ANKRD36C: variants seen among roughly 807,000 people sequenced by gnomAD.
ANKRD36C encodes the protein ankyrin repeat domain 36C, also known as ankyrin repeat domain-containing protein 36C.
ANKRD36C carries 61 observed loss-of-function variants against 276.4 expected under a neutral mutation model. The observed-to-expected ratio is 0.22, with a 90% CI of 0.18 to 0.27. The LOEUF (loss-of-function observed/expected upper bound fraction) is 0.27. Ranked by LOEUF, ANKRD36C falls within the 10% of genes least tolerant of loss-of-function variation. The pLI, the probability that ANKRD36C is intolerant of heterozygous loss-of-function variation, is 1.00. For missense variants in ANKRD36C, 1,447 were observed against 2,032.3 expected (o/e 0.71, Z 5.54); for synonymous variants, 483 against 680.1 (o/e 0.71, Z 4.51).
At chr2:95,976,164 C>T (rs1219629919) in intron 6 of ANKRD36C, among the ~76,000 whole-genome samples, 1 of 152,208 alleles carries the variant, frequency 6.6e-6, no homozygotes, top group Non-Finnish European at 1.5e-5. Context: ...AATAGGAACA[C>T]TTTTACTCTG....
intron 56 of ANKRD36C, 95 bp downstream of exon 76, chr2:95,882,207 G>T: frequency 2.2e-6 from 3 of 1,360,226 alleles, no homozygotes; most frequent in South Asian, 2.6e-5. Flanking sequence ...ATCAGAAAGT[G>T]CATTTTCAAT....
exon 1 of ANKRD36C, chr2:95,991,711 T>A: frequency 2.5e-6 from 4 of 1,612,436 alleles, no homozygotes; most frequent in Non-Finnish European, 3.4e-6. Flanking sequence ...TCATCCATAA[T>A]GGTCGGCTGC....
At chr2:95,978,985 T>C (rs1325838739) in intron 5 of ANKRD36C, among the ~76,000 whole-genome samples, 1 of 152,050 alleles carries the variant, frequency 6.6e-6, no homozygotes, top group Non-Finnish European at 1.5e-5. Context: ...AGAATGATGG[T>C]TCATCTCCAT....
intron 6 of ANKRD36C, among the ~76,000 whole-genome samples, chr2:95,975,005 AG>A (rs1361759386): frequency 6.6e-6 from 1 of 152,012 alleles, no homozygotes; most frequent in Admixed American, 6.6e-5. Context: ...ATGGCTGCAT[AG>A]TATTCCATGG....
At chr2:95,927,920 T>G (rs575606410) in intron 26 of ANKRD36C, among the ~76,000 whole-genome samples, 3 of 151,690 alleles carry the variant, frequency 2.0e-5, no homozygotes, top group Non-Finnish European at 4.4e-5. Flanking sequence ...TGTCCTAAAT[T>G]GATCACCTTG....
intron 1 of ANKRD36C, among the ~76,000 whole-genome samples, chr2:95,989,619 G>C (rs2104549120): frequency 6.6e-6 from 1 of 152,016 alleles, no homozygotes; most frequent in East Asian, 1.9e-4. Flanking sequence ...GCAGTGCTGA[G>C]AAAAACAAAT....
intron 61 of ANKRD36C, among the ~76,000 whole-genome samples, chr2:95,859,527 CTA>C (rs1270356067): frequency 1.3e-5 from 2 of 152,034 alleles, no homozygotes; most frequent in African/African-American, 2.4e-5. Flanking sequence ...ATGTAGAAAA[CTA>C]TGTGTATATA....
At chr2:95,963,974 T>TATATAA (rs1678522901) in intron 6 of ANKRD36C, among the ~76,000 whole-genome samples, 1 of 31,920 alleles carries the variant, frequency 3.1e-5, no homozygotes, top group Admixed American at 3.9e-4. Context: ...TATATATAAA[T>TATATAA]ATATATATAT....
At chr2:95,855,475 G>T in exon 63 of ANKRD36C, 2 of 1,612,006 alleles carry the variant, frequency 1.2e-6, no homozygotes, top group Non-Finnish European at 1.7e-6. Context: ...TCATCCAGTT[G>T]CTGTTGAAGC....
At chr2:95,979,185 A>G (rs993324223) in intron 5 of ANKRD36C, among the ~76,000 whole-genome samples, 9 of 152,078 alleles carry the variant, frequency 5.9e-5, no homozygotes, top group Non-Finnish European at 1.2e-4. Context: ...ATGTTTTTGT[A>G]GTGAAAAATC....
intron 6 of ANKRD36C, among the ~76,000 whole-genome samples, chr2:95,972,066 G>A (rs894203632): frequency 1.3e-5 from 2 of 152,178 alleles, no homozygotes; most frequent in Admixed American, 6.5e-5. Context: ...AGTTGGGGCT[G>A]TAACTGCTGT....
exon 60 of ANKRD36C, chr2:95,867,479 C>G: frequency 7.1e-7 from 1 of 1,411,048 alleles, no homozygotes; most frequent in Non-Finnish European, 9.7e-7. Context: ...AGTAATATGA[C>G]ATTCTTACAA....
exon 4 of ANKRD36C, chr2:95,982,281 T>C (rs947132472): frequency 7.1e-6 from 11 of 1,549,838 alleles, no homozygotes; most frequent in South Asian, 1.2e-5. Flanking sequence ...ACGGCATTTA[T>C]ATTTGCTTTT....
chr2:95,886,522 C>T (rs1329219759), intron 50 of ANKRD36C, among the ~76,000 whole-genome samples: 3 of 151,552 alleles, frequency 2.0e-5, no homozygotes, highest in Non-Finnish European at 3.0e-5. Flanking sequence ...AAGGATATGC[C>T]GAGTGATGAG....
At chr2:95,919,865 C>A (rs12471927) in intron 34 of ANKRD36C, 27 bp downstream of exon 35, 284,829 of 1,531,556 alleles carry the variant, frequency 0.19, 43,370 homozygotes, top group Middle Eastern at 0.22. Flanking sequence ...GTGTCATAGA[C>A]TACAATGTAA....
intron 56 of ANKRD36C, among the ~76,000 whole-genome samples, chr2:95,881,713 T>C (rs1387480596): frequency 2.0e-5 from 3 of 151,950 alleles, no homozygotes; most frequent in Non-Finnish European, 2.9e-5. Context: ...AGAAATCAGA[T>C]GATCCGGTAT....
At chr2:95,980,029 T>C (rs1291273529) in intron 5 of ANKRD36C, among the ~76,000 whole-genome samples, 2 of 151,958 alleles carry the variant, frequency 1.3e-5, no homozygotes, top group Non-Finnish European at 1.5e-5. Flanking sequence ...AACATGAAGA[T>C]TGAGGGATGT....
At chr2:95,895,682 C>G in intron 44 of ANKRD36C, 92 bp from the exon 61 acceptor site, 1 of 1,549,692 alleles carries the variant, frequency 6.5e-7, no homozygotes, top group South Asian at 1.1e-5. Context: ...CCTCTGTCCT[C>G]CTGCCTGTAT....
chr2:95,857,885 T>C (rs4907286), intron 61 of ANKRD36C, among the ~76,000 whole-genome samples: 58,190 of 146,260 alleles, frequency 0.4, 9,935 homozygotes, highest in East Asian at 0.45. Flanking sequence ...CATTTTACAA[T>C]CTGCTGTCTC....
Sources: allele counts gnomAD v4.1 joint callset (sites outside exome capture counted in the v4.1 genomes callset), GRCh38; gene constraint gnomAD v4.1.1; transcripts MANE v1.5; gene names NCBI Gene and HGNC (gene_info 2026-07-23, HGNC 2026-07-21).